RADIL: variants seen among roughly 807,000 people sequenced by gnomAD.
RADIL encodes ras-associating and dilute domain-containing protein.
Under a neutral mutation model 97.6 loss-of-function variants are expected in RADIL, and 99 were observed. The ratio of observed to expected loss-of-function variants is 1.01; its 90% CI spans 0.86 to 1.20. The LOEUF (loss-of-function observed/expected upper bound fraction) is 1.20. Among genes scored for constraint, RADIL ranks in the 50% most tolerant of loss-of-function variants. The pLI, the probability that RADIL is intolerant of heterozygous loss-of-function variation, is 0.00. For missense variants in RADIL, 1,765 were observed against 1,498.9 expected (o/e 1.18, Z -2.93); for synonymous variants, 803 against 691.8 (o/e 1.16, Z -2.52).
chr7:4,850,227 A>AAAAC lies in RADIL; in HGVS notation c.536-13623_536-13622insGTTT, dbSNP rs1554263988. On this transcript the variant is annotated intron_variant, in intron 2 of 14. Transcript: ENST00000399583. Reference sequence around the variant, plus strand: ...ACAGACGATCCCTTTAAAAAAAAAAAAAAAAAAAAAACCTTTGACAGAAAG... The same window carrying AAAAC: ...ACAGACGATCCCTTTAAAAAAAAAAAAAACAAAAAAAAAAACCTTTGACAGAAAG... Among the ~76,000 whole-genome samples the AAAAC allele has an allele frequency of 1.8e-4, 27 of 150,634 alleles. 1 individual carries two copies. Among genetic ancestry groups the AAAAC allele is most frequent in the African/African-American group, 6.4e-4 (26 of 40,552 alleles).
chr7:4,835,323 A>T lies in RADIL; in HGVS notation c.784-84T>A, dbSNP rs1783265578. 1 of 1,522,854 alleles carries T rather than the reference A, an allele frequency of 6.6e-7. No individual in the cohort carries two copies. Among genetic ancestry groups the T allele is most frequent in the Admixed American group, 1.9e-5 (1 of 51,914 alleles). The allele number at this position is 1,522,854 out of a possible 1,614,324, so 94.3% of individuals were successfully genotyped here. A position where few individuals can be genotyped will look rare whatever the true frequency, so the allele number is the denominator to read the frequency against. ...CCCGTGTCTAGTCACTGGTTGCTGA[A>T]GCAGCGTGGCTGGGATGCTGTCGCC... is the stretch of plus-strand genomic sequence containing the variant. On this transcript the variant is annotated intron_variant, in intron 3 of 14. Coordinates refer to ENST00000399583, the MANE Select transcript of RADIL (RefSeq NM_018059.5). The surrounding 1 kb of genome is among the most constrained non-coding windows in gnomAD (Gnocchi z 5.8).
At chr7:4,857,197 A>G (rs1463873848) in intron 2 of RADIL, among the ~76,000 whole-genome samples, 2 of 152,230 alleles carry the variant, frequency 1.3e-5, no homozygotes, top group Non-Finnish European at 2.9e-5. Flanking sequence ...CTGATGCTGT[A>G]GGACTTCTAT....
chr7:4,802,737 T>TGGG (rs768990152), intron 11 of RADIL, among the ~76,000 whole-genome samples: 8 of 99,062 alleles, frequency 8.1e-5, no homozygotes, highest in African/African-American at 1.3e-4. Context: ...GCACGCTGGC[T>TGGG]GGGCCCCCTC....
chr7:4,871,841 A>G (rs367965883), intron 2 of RADIL, among the ~76,000 whole-genome samples: 4 of 152,322 alleles, frequency 2.6e-5, no homozygotes, highest in African/African-American at 9.6e-5. Flanking sequence ...TTTTCAGTCA[A>G]AAGCCCAGTG....
At chr7:4,864,074 T>C (rs1238915647) in intron 2 of RADIL, among the ~76,000 whole-genome samples, 1 of 152,260 alleles carries the variant, frequency 6.6e-6, no homozygotes, top group Non-Finnish European at 1.5e-5. Context: ...GGATAATTAA[T>C]CCCATATATT....
rs558624036 is a variant in RADIL, at chr7:4,801,811, G to A, written c.2684C>T (p.Pro895Leu). The part of the protein sequence containing the change: ...PSRGGSQAGP[P>L]HTDSSCLLTP... ...GAGCAAGCAGGACGAGTCCGTGTGCGGGGGGCCAGCCTGGGAGCCCCCACG... is the reference window on the plus strand; with the variant it reads ...GAGCAAGCAGGACGAGTCCGTGTGCAGGGGGCCAGCCTGGGAGCCCCCACG... The change falls in exon 12 of 15, where the codon CCG (proline) becomes CTG (leucine). Residue 895 changes from proline to leucine, a missense_variant. Pro to Leu is a moderately conservative substitution (Grantham distance 98, BLOSUM62 -3). Coordinates refer to ENST00000399583, the MANE Select transcript of RADIL (RefSeq NM_018059.5). 6.4e-5 allele frequency: 103 copies of A among 1,608,204 alleles called. No homozygotes were observed. The highest frequency in any genetic ancestry group is 5.6e-4 in the South Asian group (51 of 90,354).
chr7:4,843,754 A>G (rs1212151873), intron 2 of RADIL, among the ~76,000 whole-genome samples: 1 of 152,124 alleles, frequency 6.6e-6, no homozygotes. Flanking sequence ...TCTACCAAAA[A>G]TACAAAAATT....
intron 5 of RADIL, among the ~76,000 whole-genome samples, chr7:4,829,796 G>T (rs1583288877): frequency 6.6e-6 from 1 of 152,154 alleles, no homozygotes; most frequent in African/African-American, 2.4e-5. Context: ...ATGTGCCCTT[G>T]TTCCTCCTTT....
At position 4,801,978 on chromosome 7, in the gene RADIL, G is replaced by A. The variant is rs376136672; in HGVS notation, c.2517C>T (p.Val839=). ...PVCPEGMHHV[V]LDGHLEAPSC... is the part of the protein sequence containing the mutation. ...TCGGGGCCTCCAGGTGCCCGTCAAGGACCACGTGGTGCATACCCTAGGGAG... is the reference window on the plus strand; with the variant it reads ...TCGGGGCCTCCAGGTGCCCGTCAAGAACCACGTGGTGCATACCCTAGGGAG... The change falls in exon 12 of 15, where the codon GTC becomes GTT. Residue 839 remains valine, a synonymous_variant. Transcript: ENST00000399583. 2 of 1,543,110 alleles carry A rather than the reference G, an allele frequency of 1.3e-6. No individual in the cohort carries two copies. Among genetic ancestry groups the A allele is most frequent in the African/African-American group, 1.4e-5 (1 of 72,170 alleles).
At position 4,865,487 on chromosome 7, in the gene RADIL, G is replaced by A. The variant is rs752066260; in HGVS notation, c.535+12118C>T. ...GGTTAATCTGGAAGTAATGTAATTC[G>A]TAACTCTCTTTGCTGTTAGCAACTA... is the stretch of plus-strand genomic sequence containing the variant. On this transcript the variant is annotated intron_variant, in intron 2 of 14. Coordinates refer to ENST00000399583, the MANE Select transcript of RADIL (RefSeq NM_018059.5). 2.6e-5 allele frequency: 20 copies of A among 778,220 alleles called. 1 individual carries two copies. The highest frequency in any genetic ancestry group is 1.0e-4 in the Admixed American group (6 of 57,770). The allele number at this position is 778,220 out of a possible 1,614,324, so 48.2% of individuals were successfully genotyped here.
chr7:4,835,148 TC>T lies in RADIL; in HGVS notation c.874del (p.Asp292ThrfsTer131), dbSNP rs1783260000. 1 of 1,610,796 alleles carries T rather than the reference TC, an allele frequency of 6.2e-7. No homozygotes were observed. The highest frequency in any genetic ancestry group is 1.3e-5 in the African/African-American group (1 of 74,980). ...SKPSISLSAP[D>X]ILPLHCTIRR... ...GATGGTGCAGTGTAGAGGCAGGATGTCGGGGGCTGAGAGGCTGATGCTGGGC... is the reference window on the plus strand; with the variant it reads ...GATGGTGCAGTGTAGAGGCAGGATGTGGGGGCTGAGAGGCTGATGCTGGGC... On this transcript the variant is annotated frameshift_variant, in exon 4 of 15. Transcript: ENST00000399583. LOFTEE classifies it high-confidence loss of function. The surrounding 1 kb of genome is among the most constrained non-coding windows in gnomAD (Gnocchi z 5.8).
At chr7:4,805,798 C>G in intron 9 of RADIL, 82 bp from the exon 10 acceptor site, 1 of 1,514,404 alleles carries the variant, frequency 6.6e-7, no homozygotes, top group Non-Finnish European at 8.8e-7. Context: ...CACAGGTGGC[C>G]TGGGGGTAGC....
In RADIL at chr7:4,815,750, G is replaced by A. The variant is rs1297982161; in HGVS notation, c.1967-300C>T. ...CCACTCCCAGACACATGTGCCGGGG[G>A]CCTGCCCCCACCTGGGTCTCCCCAC... On this transcript the variant is annotated intron_variant, in intron 8 of 14. Transcript: ENST00000399583. The surrounding 1 kb of genome is among the most constrained non-coding windows in gnomAD (Gnocchi z 8.0). 6.6e-5 allele frequency among the ~76,000 whole-genome samples: 10 copies of A among 152,108 alleles called. No homozygotes were observed. The highest frequency in any genetic ancestry group is 2.1e-4 in the South Asian group (1 of 4,828).
In RADIL at chr7:4,821,076, C is replaced by T. The variant is rs989179061; in HGVS notation, c.1615+1318G>A. ...AGCTGAGTACACAGAGACCCCGCAGCGTCTGGTAGACTGAGCCTGTGGGAG... is the reference window on the plus strand; with the variant it reads ...AGCTGAGTACACAGAGACCCCGCAGTGTCTGGTAGACTGAGCCTGTGGGAG... On this transcript the variant is annotated intron_variant, in intron 6 of 14. Transcript: ENST00000399583. This position sits in a 1 kb window ranked among gnomAD's most constrained non-coding sequence, Gnocchi z 5.2. Among the ~76,000 whole-genome samples the T allele has an allele frequency of 6.6e-6, 1 of 152,208 alleles. No homozygotes were observed. Among genetic ancestry groups the T allele is most frequent in the Non-Finnish European group, 1.5e-5 (1 of 68,032 alleles).
Position 4,799,390 on chromosome 7 carries a change from C to T in RADIL, c.3216G>A (p.Thr1072=), listed in dbSNP as rs201302683. The T allele has an allele frequency of 1.5e-3, 2,353 of 1,613,624 alleles. 29 individuals are homozygous for T. In the South Asian group the frequency reaches 0.016, roughly 11 times the overall value. ...CCTCGCAGCCCCCCTAGAGAGGGGG[C>T]GTGCGGAAATGGATCTTCTTGGCTG... ...VETAKKIHFR[T]PPL Residue 1072 remains threonine, a synonymous_variant, in exon 15 of 15, where the codon ACG becomes ACA. Transcript: ENST00000399583.
Position 4,805,687 on chromosome 7 carries a change from G to A in RADIL, c.2169C>T (p.Phe723=). 6.2e-7 allele frequency: 1 copy of A among 1,611,344 alleles called. No homozygotes were observed. The highest frequency in any genetic ancestry group is 8.5e-7 in the Non-Finnish European group (1 of 1,179,746). Residue 723 remains phenylalanine, a synonymous_variant, in exon 10 of 15, where the codon TTC becomes TTT. Transcript: ENST00000399583. ...QMSWTALRAA[F]PALSPAQLHR... ...GCAGCTGTGCTGGGCTCAGTGCGGG[G>A]AACGCAGCCCGCAGGGCTGTCCAGC...
intron 2 of RADIL, among the ~76,000 whole-genome samples, chr7:4,868,986 G>A (rs1023515257): frequency 6.6e-6 from 1 of 152,160 alleles, no homozygotes. Context: ...AATTAGCCGG[G>A]CCTCATGGCA....
In RADIL at chr7:4,815,338, G is replaced by T; in HGVS notation, c.2079C>A (p.Phe693Leu). 6.4e-7 allele frequency: 1 copy of T among 1,558,246 alleles called. No homozygotes were observed. The highest frequency in any genetic ancestry group is 8.7e-7 in the Non-Finnish European group (1 of 1,152,302). ...SAGFGAAGEH[F>L]FQKLSCTLNL... ...TGAGGGTGCAGGAGAGCTTCTGGAA[G>T]AAGTGCTCTCCAGCCGCCCCGAAGC... The change falls in exon 9 of 15, where the codon TTC (phenylalanine) becomes TTA (leucine). Residue 693 changes from phenylalanine (F) to leucine (L), a missense_variant. Coordinates refer to ENST00000399583, the MANE Select transcript of RADIL (RefSeq NM_018059.5). The surrounding 1 kb of genome is among the most constrained non-coding windows in gnomAD (Gnocchi z 8.0).
chr7:4,862,555 C>T (rs1299876641), intron 2 of RADIL, among the ~76,000 whole-genome samples: 2 of 152,318 alleles, frequency 1.3e-5, no homozygotes, highest in East Asian at 3.9e-4. Context: ...GTGTCTGTCC[C>T]TAGTGCCCTG....
Sources: gnomAD v4.1 joint callset for allele counts (sites outside exome capture counted in the v4.1 genomes callset) on GRCh38, gnomAD v4.1.1 for gene constraint, Gnocchi (gnomAD v3.1) non-coding constraint, MANE v1.5 for transcripts, NCBI Gene and HGNC (gene_info 2026-07-23, HGNC 2026-07-21) for gene names.